Variants in SHISA6 observed in about 807,000 individuals in gnomAD.
SHISA6 encodes the protein shisa family member 6.
In SHISA6, 22 loss-of-function variants were observed where a neutral mutation model predicts 47.9. The ratio of observed to expected loss-of-function variants is 0.46; its 90% confidence interval spans 0.33 to 0.66. The LOEUF is 0.66. SHISA6 is among the 30% of genes least tolerant of loss of function. SHISA6 has a pLI of 0.02. For synonymous variants in SHISA6, 388 were observed against 337.8 expected, an observed-to-expected ratio of 1.15 and a Z score of -1.63; for missense variants, 680 against 764.6, an observed-to-expected ratio of 0.89 and a Z score of 1.30.
At chr17:11,397,583 C>A (rs1345568095) in intron 3 of SHISA6, among the ~76,000 whole-genome samples, 1 of 152,054 alleles carries the variant, frequency 6.6e-6, no homozygotes, top group Non-Finnish European at 1.5e-5. Context: ...TACTTGACAC[C>A]TGAAGGCAAT....
At chr17:11,464,908 C>T (rs1035337900) in intron 3 of SHISA6, among the ~76,000 whole-genome samples, 1 of 150,658 alleles carries the variant, frequency 6.6e-6, no homozygotes, top group African/African-American at 2.4e-5. Context: ...TGCCATTGCA[C>T]TCCAGCCTGG....
rs1210357309 is a variant in SHISA6 at position 11,558,039 on chromosome 17, C to A, written c.1391C>A (p.Thr464Lys). 1.2e-5 allele frequency: 19 copies of A among 1,551,634 alleles called. No individual in the cohort carries two copies. The highest frequency in any genetic ancestry group is 1.4e-5 in the Non-Finnish European group (16 of 1,146,992). The change falls in exon 6 of 6, where the codon ACG becomes AAG. Residue 464 changes from threonine (T) to lysine (K), a missense_variant. By Grantham distance (78) the Thr-to-Lys change is moderately conservative. Around this residue, in one of 2 missense-constraint regions of SHISA6, gnomAD observed 559 missense variants for 674.1 expected, o/e 0.83. Coordinates refer to ENST00000441885, the MANE Select transcript of SHISA6 (RefSeq NM_207386.4). The part of the protein sequence containing the change: ...SQDPLLSPER[T>K]AFPEQSLSRA... ...GACCCGCTGCTGTCCCCGGAGCGGA[C>A]GGCCTTTCCCGAGCAGTCGCTGTCC...
chr17:11,306,312 A>T (rs1438568913), intron 2 of SHISA6, among the ~76,000 whole-genome samples: 2 of 152,084 alleles, frequency 1.3e-5, no homozygotes, highest in Non-Finnish European at 2.9e-5. Context: ...AGACCTCCCC[A>T]TACAGGATGC....
chr17:11,548,318 T>C (rs1385796489), intron 3 of SHISA6, among the ~76,000 whole-genome samples: 1 of 152,216 alleles, frequency 6.6e-6, no homozygotes, highest in Non-Finnish European at 1.5e-5. Context: ...CTTCATGCTA[T>C]ACTGTTTCAA....
At chr17:11,452,999 C>T (rs1915445608) in intron 3 of SHISA6, among the ~76,000 whole-genome samples, 1 of 150,626 alleles carries the variant, frequency 6.6e-6, no homozygotes, top group South Asian at 2.1e-4. Flanking sequence ...CTCCCCTTTT[C>T]CCCACCCTCA....
chr17:11,532,498 C>T (rs1456532285), intron 3 of SHISA6, among the ~76,000 whole-genome samples: 2 of 151,552 alleles, frequency 1.3e-5, no homozygotes, highest in African/African-American at 2.4e-5. Flanking sequence ...TGTGTGTGTG[C>T]GCGCACGCGC....
chr17:11,372,375 C>T (rs560891717), intron 2 of SHISA6, among the ~76,000 whole-genome samples: 3 of 152,284 alleles, frequency 2.0e-5, no homozygotes, highest in East Asian at 1.9e-4. Flanking sequence ...ATGAGGTGCC[C>T]ATTCTCCTGG....
chr17:11,323,376 C>T (rs942251903), intron 2 of SHISA6, among the ~76,000 whole-genome samples: 6 of 152,066 alleles, frequency 3.9e-5, no homozygotes, highest in South Asian at 4.1e-4. Flanking sequence ...ACACATGAGC[C>T]GGGCACGGTG....
chr17:11,366,323 A>G (rs1334859352), intron 2 of SHISA6, among the ~76,000 whole-genome samples: 1 of 152,068 alleles, frequency 6.6e-6, no homozygotes, highest in Non-Finnish European at 1.5e-5. Flanking sequence ...AATTTTTTGT[A>G]GAGGTGGGGT....
intron 1 of SHISA6, among the ~76,000 whole-genome samples, chr17:11,251,503 G>C (rs1439010303): frequency 6.6e-6 from 1 of 152,168 alleles, no homozygotes; most frequent in Non-Finnish European, 1.5e-5. Flanking sequence ...ACGGGAGCTT[G>C]GGTGAGGGGC....
At chr17:11,446,208 C>G (rs150457715) in intron 3 of SHISA6, among the ~76,000 whole-genome samples, 1 of 152,190 alleles carries the variant, frequency 6.6e-6, no homozygotes, top group Non-Finnish European at 1.5e-5. Context: ...TGAAGGAGGA[C>G]TCTGCATGCA....
In SHISA6 at chr17:11,275,274, G is replaced by C. The variant is rs148351520; in HGVS notation, c.799+11748G>C. On this transcript the variant is annotated intron_variant, in intron 2 of 5. Transcript: ENST00000441885. ...TCAGTTGTTCTAATGGCGTGGGAAT[G>C]GGGCAAGGTTGGACCCTCCAAAGGG... Among the ~76,000 whole-genome samples, 964 of 152,128 alleles carry C rather than the reference G, an allele frequency of 6.3e-3. 3 individuals are homozygous for C. The highest frequency in any genetic ancestry group is 0.011 in the Non-Finnish European group (746 of 68,000).
intron 2 of SHISA6, among the ~76,000 whole-genome samples, chr17:11,311,941 A>G (rs565270466): frequency 2.0e-5 from 3 of 151,958 alleles, no homozygotes; most frequent in East Asian, 3.9e-4. Context: ...ACGCCTGGCT[A>G]ATTTTTGTAT....
At position 11,498,121 on chromosome 17, in the gene SHISA6, A is replaced by T. The variant is rs140626023; in HGVS notation, c.896-53775A>T. Among the ~76,000 whole-genome samples the T allele has an allele frequency of 5.9e-3, 898 of 152,308 alleles. 7 individuals carry two copies. Among genetic ancestry groups the T allele is most frequent in the African/African-American group, 0.02 (840 of 41,554 alleles). ...CCTCTTCCTGTTTTCTTCCTACCTC[A>T]ATAGAATCCACAGGTGGGAGATACT... On this transcript the variant is annotated intron_variant, in intron 3 of 5. Transcript: ENST00000441885.
chr17:11,294,829 T>A (rs1344624820), intron 2 of SHISA6, among the ~76,000 whole-genome samples: 1 of 152,192 alleles, frequency 6.6e-6, no homozygotes, highest in African/African-American at 2.4e-5. Flanking sequence ...CCTATAAGTC[T>A]TTTTTCTTTC....
chr17:11,277,227 T>G (rs1400113276), intron 2 of SHISA6, among the ~76,000 whole-genome samples: 1 of 114,614 alleles, frequency 8.7e-6, no homozygotes, highest in Non-Finnish European at 1.9e-5. Context: ...TCCCTCCCCA[T>G]CCCCGGTTTC....
intron 1 of SHISA6, among the ~76,000 whole-genome samples, chr17:11,257,682 A>G (rs560450255): frequency 2.0e-5 from 3 of 151,104 alleles, no homozygotes; most frequent in South Asian, 4.2e-4. Context: ...AGAAAAAAAG[A>G]AAAGAAAAGA....
At chr17:11,420,182 C>T (rs1053831338) in intron 3 of SHISA6, among the ~76,000 whole-genome samples, 5 of 152,080 alleles carry the variant, frequency 3.3e-5, no homozygotes, top group Admixed American at 2.6e-4. Context: ...CCAGCCTGGG[C>T]GATAGAGGGA....
intron 3 of SHISA6, among the ~76,000 whole-genome samples, chr17:11,531,211 C>CTGTG (rs58392834): frequency 1.3e-3 from 177 of 133,996 alleles, no homozygotes; most frequent in Middle Eastern, 0.011. Flanking sequence ...GGTTACTACT[C>CTGTG]TGTGTGTGTG....
Sources: allele counts gnomAD v4.1 joint callset (sites outside exome capture counted in the v4.1 genomes callset), GRCh38; gene constraint gnomAD v4.1.1; regional missense constraint gnomAD v4.1.1; transcripts MANE v1.5; gene names NCBI Gene and HGNC (gene_info 2026-07-23, HGNC 2026-07-21).